The following CTNNA3 variants were observed in gnomAD, a reference collection of about 807,000 sequenced individuals.
The protein encoded by CTNNA3 is catenin alpha-3.
CTNNA3 carries 76 observed loss-of-function variants against 95.7 expected under a neutral mutation model. That is an observed-to-expected ratio of 0.79 (90% CI 0.66 to 0.96). The LOEUF is 0.96. Ranked by LOEUF, CTNNA3 falls within the 40% of genes least tolerant of loss-of-function variation. The pLI is 0.00. For synonymous variants in CTNNA3, 431 were observed against 374.4 expected (o/e 1.15, Z -1.74); for missense variants, 1,191 against 1,089.8 (o/e 1.09, Z -1.31).
rs542062512 is a variant in CTNNA3 at position 66,598,307 on chromosome 10, C to T, written c.1374+23385G>A. ...TGACAAATCCACAGCTAACATCACA[C>T]TCAATGATGAAAATTTGAAAGCTTT... On this transcript the variant is annotated intron_variant, in intron 10 of 17. Coordinates refer to ENST00000433211, the MANE Select transcript of CTNNA3 (RefSeq NM_013266.4). 1.1e-4 allele frequency among the ~76,000 whole-genome samples: 17 copies of T among 152,114 alleles called. No homozygotes were observed. In the South Asian group the frequency reaches 2.3e-3, roughly 20 times the overall value.
intron 7 of CTNNA3, among the ~76,000 whole-genome samples, chr10:66,810,326 C>A (rs1841824763): frequency 6.6e-6 from 1 of 152,140 alleles, no homozygotes; most frequent in Non-Finnish European, 1.5e-5. Flanking sequence ...AGTTCCCCCA[C>A]ATCCCTAAAG....
At chr10:67,336,028 A>G (rs1226802239) in intron 5 of CTNNA3, among the ~76,000 whole-genome samples, 2 of 151,966 alleles carry the variant, frequency 1.3e-5, no homozygotes, top group Admixed American at 1.3e-4. Context: ...TTATTATTAT[A>G]TCTGTTACAA....
At chr10:67,486,714 C>T (rs7069964) in intron 5 of CTNNA3, among the ~76,000 whole-genome samples, 25,185 of 152,016 alleles carry the variant, frequency 0.17, 3,275 homozygotes, top group East Asian at 0.35. Context: ...ATATTTATGC[C>T]TGAATAAGAG....
Position 67,135,309 on chromosome 10 carries a change from T to C in CTNNA3, c.1047+45008A>G, listed in dbSNP as rs925540667. Among the ~76,000 whole-genome samples the C allele has an allele frequency of 7.2e-5, 11 of 152,222 alleles. 1 individual carries two copies. In the South Asian group the frequency reaches 8.3e-4, roughly 11 times the overall value. On this transcript the variant is annotated intron_variant, in intron 7 of 17. Transcript: ENST00000433211. ...AAAAATATAGTCTTTCAGCTGAGCATAATCCCCGCTTCACAATGAGAGTAA... is the reference window on the plus strand; with the variant it reads ...AAAAATATAGTCTTTCAGCTGAGCACAATCCCCGCTTCACAATGAGAGTAA...
At chr10:67,632,510 G>C (rs1839177795) in intron 2 of CTNNA3, among the ~76,000 whole-genome samples, 1 of 152,086 alleles carries the variant, frequency 6.6e-6, no homozygotes, top group Non-Finnish European at 1.5e-5. Flanking sequence ...GGGCTGACTA[G>C]GCAAACAATT....
chr10:67,571,700 G>C (rs539947917), intron 3 of CTNNA3, among the ~76,000 whole-genome samples: 4 of 152,232 alleles, frequency 2.6e-5, no homozygotes, highest in African/African-American at 9.6e-5. Context: ...TGAAATCTAC[G>C]AGGGGGTGAG....
intron 11 of CTNNA3, 80 bp downstream of exon 11, chr10:66,520,537 C>A: frequency 2.3e-6 from 3 of 1,278,150 alleles, no homozygotes; most frequent in East Asian, 2.8e-5. Flanking sequence ...CAGGCATGAG[C>A]CACCATGCCT....
At chr10:66,161,832 T>C (rs937362761) in intron 13 of CTNNA3, among the ~76,000 whole-genome samples, 12 of 152,188 alleles carry the variant, frequency 7.9e-5, no homozygotes, top group African/African-American at 2.9e-4. Context: ...TCAGGAACAC[T>C]GATTATTCTT....
intron 7 of CTNNA3, among the ~76,000 whole-genome samples, chr10:67,123,487 T>C (rs1482945437): frequency 6.6e-5 from 10 of 152,220 alleles, no homozygotes; most frequent in Admixed American, 6.5e-4. Flanking sequence ...AATTTTATTT[T>C]GTCTTATAAC....
chr10:66,114,306 G>A (rs947831947), intron 13 of CTNNA3, among the ~76,000 whole-genome samples: 2 of 151,902 alleles, frequency 1.3e-5, no homozygotes, highest in Non-Finnish European at 2.9e-5. Context: ...TTCAGAGAAT[G>A]TCTAATAGCA....
At chr10:66,640,837 G>A (rs73310547) in intron 9 of CTNNA3, among the ~76,000 whole-genome samples, 3 of 151,888 alleles carry the variant, frequency 2.0e-5, no homozygotes, top group Non-Finnish European at 4.4e-5. Context: ...AATACCAAGA[G>A]GGCAGACATA....
At chr10:66,219,664 C>T (rs975154598) in intron 13 of CTNNA3, among the ~76,000 whole-genome samples, 2 of 151,892 alleles carry the variant, frequency 1.3e-5, no homozygotes, top group Admixed American at 6.6e-5. Context: ...GCCAACACCT[C>T]GATTGAAACC....
intron 11 of CTNNA3, among the ~76,000 whole-genome samples, chr10:66,404,538 G>C (rs2093042976): frequency 6.6e-6 from 1 of 152,102 alleles, no homozygotes; most frequent in African/African-American, 2.4e-5. Context: ...TGACTGTCTT[G>C]AGCTTAAAGT....
chr10:67,329,260 A>T (rs1841681932), intron 5 of CTNNA3, among the ~76,000 whole-genome samples: 1 of 152,190 alleles, frequency 6.6e-6, no homozygotes, highest in Admixed American at 6.5e-5. Flanking sequence ...AGTCCCAGCT[A>T]CTTGGAGTGC....
rs372319704 is a variant in CTNNA3 at position 67,600,405 on chromosome 10, T to C, written c.292+6452A>G. On this transcript the variant is annotated intron_variant, in intron 3 of 17. Coordinates refer to ENST00000433211, the MANE Select transcript of CTNNA3 (RefSeq NM_013266.4). ...ATTTAAATTAAGAACTTCTGAATATTAAAAAATGGTTAATATTATGAAAGG... is the reference window on the plus strand; with the variant it reads ...ATTTAAATTAAGAACTTCTGAATATCAAAAAATGGTTAATATTATGAAAGG... Among the ~76,000 whole-genome samples the C allele has an allele frequency of 3.9e-5, 6 of 152,242 alleles. 1 individual carries two copies. In the East Asian group the frequency reaches 7.7e-4, roughly 20 times the overall value.
intron 9 of CTNNA3, among the ~76,000 whole-genome samples, chr10:66,645,599 T>C (rs551358826): frequency 1.3e-5 from 2 of 152,322 alleles, no homozygotes; most frequent in South Asian, 4.1e-4. Context: ...ACTACCAGTC[T>C]GTGGCCTATC....
At chr10:67,353,689 T>C (rs1037693511) in intron 5 of CTNNA3, among the ~76,000 whole-genome samples, 1 of 151,938 alleles carries the variant, frequency 6.6e-6, no homozygotes. Flanking sequence ...TTTATGATGC[T>C]TGAGGTCAGG....
chr10:67,416,025 T>C (rs927106834), intron 5 of CTNNA3, among the ~76,000 whole-genome samples: 1 of 152,058 alleles, frequency 6.6e-6, no homozygotes, highest in Admixed American at 6.6e-5. Flanking sequence ...TAAATGTAAA[T>C]CCTCAAACTA....
intron 7 of CTNNA3, among the ~76,000 whole-genome samples, chr10:66,918,564 A>T (rs1846613277): frequency 6.6e-6 from 1 of 152,202 alleles, no homozygotes; most frequent in South Asian, 2.1e-4. Flanking sequence ...CAATGGGAAA[A>T]CCACCAAATG....
Sources: allele counts gnomAD v4.1 joint callset (sites outside exome capture counted in the v4.1 genomes callset), GRCh38; gene constraint gnomAD v4.1.1; transcripts MANE v1.5; gene names NCBI Gene and HGNC (gene_info 2026-07-23, HGNC 2026-07-21).